ARPC1B: variants seen among roughly 807,000 people sequenced by gnomAD.
The protein encoded by ARPC1B is actin-related protein 2/3 complex subunit 1B.
Under a neutral mutation model 46.0 loss-of-function variants are expected in ARPC1B, and 29 were observed. The ratio of observed to expected loss-of-function variants is 0.63; its 90% CI spans 0.47 to 0.86. The LOEUF is 0.86. ARPC1B is among the 40% of genes least tolerant of loss of function. The probability of loss-of-function intolerance (pLI) is 0.00; values close to 1 mark genes in which losing one functional copy is unlikely to be tolerated. For missense variants in ARPC1B, 469 were observed against 529.4 expected (o/e 0.89, Z 1.12); for synonymous variants, 201 against 213.9 (o/e 0.94, Z 0.53).
chr7:99,388,151 G>C lies in ARPC1B; in HGVS notation c.282G>C (p.Arg94=). 6.2e-7 allele frequency: 1 copy of C among 1,614,228 alleles called. No individual in the cohort carries two copies. The highest frequency in any genetic ancestry group is 8.5e-7 in the Non-Finnish European group (1 of 1,180,030). Reference sequence around the variant, plus strand: ...GGAAGCCCACGCTGGTCATCCTGCGGATCAACCGGGCTGCCCGCTGCGTGC... The same window carrying C: ...GGAAGCCCACGCTGGTCATCCTGCGCATCAACCGGGCTGCCCGCTGCGTGC... ...RTWKPTLVIL[R]INRAARCVRW... Residue 94 remains arginine (R), a synonymous_variant, in exon 4 of 10, where the codon CGG becomes CGC. Transcript: ENST00000646101.
intron 1 of ARPC1B, among the ~76,000 whole-genome samples, chr7:99,375,264 C>T (rs772524930): frequency 6.6e-5 from 10 of 152,182 alleles, no homozygotes; most frequent in Non-Finnish European, 1.0e-4. Flanking sequence ...CACTTCCCCT[C>T]CATCCCCGGA....
In ARPC1B at chr7:99,374,978, T is replaced by G. The variant is rs1262298482; in HGVS notation, c.-14+197T>G. Among the ~76,000 whole-genome samples, 4 of 33,440 alleles carry G rather than the reference T, an allele frequency of 1.2e-4. No homozygotes were observed. Among genetic ancestry groups the G allele is most frequent in the African/African-American group, 3.6e-4 (3 of 8,228 alleles). The allele number at this position is 33,440 out of a possible 152,430, so 21.9% of individuals were successfully genotyped here. On this transcript the variant is annotated intron_variant, in intron 1 of 9. Coordinates refer to ENST00000646101, the MANE Select transcript of ARPC1B (RefSeq NM_005720.4). The surrounding 1 kb of genome is among the most constrained non-coding windows in gnomAD (Gnocchi z 5.0). The stretch of plus-strand genomic sequence containing the variant: ...CGCCCAATAGGGGCACGGGGATGAG[T>G]GGGGGCACATGGAGAGGAGGGGGCG...
In ARPC1B at chr7:99,384,954, A is replaced by ATTTTTTTTTTT. The variant is rs753952597; in HGVS notation, c.-13-729_-13-719dup. On this transcript the variant is annotated intron_variant, in intron 1 of 9. Coordinates refer to ENST00000646101, the MANE Select transcript of ARPC1B (RefSeq NM_005720.4). ...AGGCAGGTGCCACCACACCTGGCTAATTTTTTTTTTTTTTTTTTTTTTTTT... is the reference window on the plus strand; with the variant it reads ...AGGCAGGTGCCACCACACCTGGCTAATTTTTTTTTTTTTTTTTTTTTTTTTTTTTTTTTTTT... 3.0e-5 allele frequency among the ~76,000 whole-genome samples: 2 copies of ATTTTTTTTTTT among 67,418 alleles called. 1 individual carries two copies. Among genetic ancestry groups the ATTTTTTTTTTT allele is most frequent in the African/African-American group, 1.5e-4 (2 of 13,308 alleles). 44.2% of individuals were successfully genotyped at this position (67,418 alleles called of 152,430 possible).
intron 2 of ARPC1B, 134 bp from the exon 3 acceptor site, chr7:99,386,551 G>T: frequency 1.2e-6 from 1 of 809,874 alleles, no homozygotes; most frequent in Non-Finnish European, 2.2e-6. Flanking sequence ...ACTTCAGGGG[G>T]CCCCTGCAAG....
At chr7:99,378,925 C>T (rs1379834221) in intron 1 of ARPC1B, among the ~76,000 whole-genome samples, 4 of 151,440 alleles carry the variant, frequency 2.6e-5, no homozygotes, top group Admixed American at 6.6e-5. Flanking sequence ...TACAGGCGCC[C>T]GCCACCACGC....
chr7:99,383,457 G>A (rs1250763595), intron 1 of ARPC1B, among the ~76,000 whole-genome samples: 1 of 152,208 alleles, frequency 6.6e-6, no homozygotes, highest in Non-Finnish European at 1.5e-5. Context: ...AAATAGAAAC[G>A]AGAACAAGAT....
chr7:99,386,350 G>A (rs1348624643), intron 2 of ARPC1B: 1 of 480,966 alleles, frequency 2.1e-6, no homozygotes, highest in Non-Finnish European at 4.0e-6. Flanking sequence ...CCCAGAGGGG[G>A]AGAGGAAGGG....
chr7:99,378,761 T>C (rs1025066616), intron 1 of ARPC1B, among the ~76,000 whole-genome samples: 2 of 145,426 alleles, frequency 1.4e-5, no homozygotes, highest in Non-Finnish European at 3.0e-5. Flanking sequence ...CAAAGAATGT[T>C]AATTTTCTTT....
chr7:99,394,280 T>C, intron 9 of ARPC1B, 161 bp downstream of exon 9: 2 of 1,033,392 alleles, frequency 1.9e-6, no homozygotes, highest in Non-Finnish European at 2.9e-6. Flanking sequence ...GCCTTGGTGC[T>C]CACTGGGGCA....
chr7:99,381,547 C>T (rs1349753891), intron 1 of ARPC1B, among the ~76,000 whole-genome samples: 1 of 152,120 alleles, frequency 6.6e-6, no homozygotes, highest in African/African-American at 2.4e-5. Flanking sequence ...GGGGACCCAC[C>T]GGGGTCCTGT....
At chr7:99,375,103 C>T (rs911123656) in intron 1 of ARPC1B, among the ~76,000 whole-genome samples, 2 of 151,992 alleles carry the variant, frequency 1.3e-5, no homozygotes, top group Non-Finnish European at 2.9e-5. Flanking sequence ...GCTCCCAGCG[C>T]ACCGGGCGCC....
At chr7:99,385,586 A>C in intron 1 of ARPC1B, 116 bp from the exon 2 acceptor site, 1 of 877,626 alleles carries the variant, frequency 1.1e-6, no homozygotes, top group Non-Finnish European at 1.8e-6. Flanking sequence ...CTGCCCCTCT[A>C]AACTGAGGGG....
intron 1 of ARPC1B, among the ~76,000 whole-genome samples, chr7:99,380,787 A>G (rs1332784035): frequency 6.6e-6 from 1 of 152,090 alleles, no homozygotes; most frequent in Non-Finnish European, 1.5e-5. Flanking sequence ...CAGGGTTCTG[A>G]GTCTGGGCTC....
intron 1 of ARPC1B, 65 bp from the exon 2 acceptor site, chr7:99,385,637 G>T: frequency 7.1e-7 from 1 of 1,403,240 alleles, no homozygotes. Context: ...CTGGGGCCTG[G>T]TATGGGTGAA....
At position 99,394,002 on chromosome 7, in the gene ARPC1B, TTCATAAGCTCC is replaced by T. The variant is rs753039460; in HGVS notation, c.990-24_990-14del. 1 of 1,610,260 alleles carries T rather than the reference TTCATAAGCTCC, an allele frequency of 6.2e-7. No individual in the cohort carries two copies. The highest frequency in any genetic ancestry group is 8.5e-7 in the Non-Finnish European group (1 of 1,179,552). Reference sequence around the variant, plus strand: ...GAGCCCAGCGCCAGCACAGGTTGAATTCATAAGCTCCTCTTCCTCTTTGCAGCCAGATCTCG... The same window carrying T: ...GAGCCCAGCGCCAGCACAGGTTGAATTCTTCCTCTTTGCAGCCAGATCTCG... On this transcript the variant is annotated splice_polypyrimidine_tract_variant and intron_variant, in intron 8 of 9. Transcript: ENST00000646101.
chr7:99,382,133 T>C lies in ARPC1B; in HGVS notation c.-13-3569T>C, dbSNP rs550622875. Among the ~76,000 whole-genome samples, 592 of 152,126 alleles carry C rather than the reference T, an allele frequency of 3.9e-3. 6 individuals carry two copies. Among genetic ancestry groups the C allele is most frequent in the Non-Finnish European group, 7.0e-3 (474 of 67,982 alleles). ...TCCAGGGCTGGTGGGAGTGTTGAAGTCAAGAATGTATACAGAGCACCTGGC... is the reference window on the plus strand; with the variant it reads ...TCCAGGGCTGGTGGGAGTGTTGAAGCCAAGAATGTATACAGAGCACCTGGC... On this transcript the variant is annotated intron_variant, in intron 1 of 9. Coordinates refer to ENST00000646101, the MANE Select transcript of ARPC1B (RefSeq NM_005720.4).
At chr7:99,392,292 C>G (rs1584411742) in intron 7 of ARPC1B, 1 of 210,240 alleles carries the variant, frequency 4.8e-6, no homozygotes, top group East Asian at 1.1e-4. Context: ...TGCTCTCCCT[C>G]CCCTCCGCCC....
chr7:99,391,266 G>C lies in ARPC1B; in HGVS notation c.783+13G>C. The C allele has an allele frequency of 6.2e-7, 1 of 1,612,330 alleles. No individual in the cohort carries two copies. The highest frequency in any genetic ancestry group is 2.2e-5 in the East Asian group (1 of 44,864). On this transcript the variant is annotated intron_variant, in intron 7 of 9. Transcript: ENST00000646101. ...CCTGGTGGCAGCGGTGAGGAATAGGGAGGGGAGGGAGGGTGTGTGGTCACA... is the reference window on the plus strand; with the variant it reads ...CCTGGTGGCAGCGGTGAGGAATAGGCAGGGGAGGGAGGGTGTGTGGTCACA...
chr7:99,380,855 G>A (rs983153613), intron 1 of ARPC1B, among the ~76,000 whole-genome samples: 3 of 152,146 alleles, frequency 2.0e-5, no homozygotes, highest in Non-Finnish European at 2.9e-5. Context: ...TGAAAGGGAG[G>A]GAAAAATTGG....
Sources: allele counts gnomAD v4.1 joint callset (sites outside exome capture counted in the v4.1 genomes callset), GRCh38; gene constraint gnomAD v4.1.1; non-coding constraint Gnocchi (gnomAD v3.1); transcripts MANE v1.5; gene names NCBI Gene and HGNC (gene_info 2026-07-23, HGNC 2026-07-21).